The following LAMB1 variants were observed in gnomAD, a reference collection of about 807,000 sequenced individuals.
LAMB1 encodes the protein laminin subunit beta 1.
Under a neutral mutation model 222.3 loss-of-function variants are expected in LAMB1, and 121 were observed. The ratio of observed to expected loss-of-function variants is 0.54; its 90% CI spans 0.47 to 0.63. The LOEUF is 0.63. Ranked by LOEUF, LAMB1 falls within the 30% of genes least tolerant of loss-of-function variation. LAMB1 has a pLI of 0.00. For synonymous variants in LAMB1, 794 were observed against 807.2 expected (o/e 0.98, Z 0.28); for missense variants, 2,172 against 2,240.8 (o/e 0.97, Z 0.62).
intron 9 of LAMB1, among the ~76,000 whole-genome samples, chr7:107,976,645 T>C (rs559328508): frequency 2.6e-5 from 4 of 152,294 alleles, no homozygotes; most frequent in African/African-American, 7.2e-5. Flanking sequence ...CTGTGTCTTA[T>C]CTACTCACAT....
intron 15 of LAMB1, among the ~76,000 whole-genome samples, 194 bp downstream of exon 15, chr7:107,962,707 CAAAA>C (rs57580761): frequency 3.0e-5 from 3 of 98,684 alleles, no homozygotes; most frequent in Admixed American, 1.1e-4. Flanking sequence ...GAGCGAGACT[CAAAA>C]AAAAAAAAAA....
At chr7:107,971,994 A>G (rs969787767) in intron 13 of LAMB1, among the ~76,000 whole-genome samples, 7 of 152,198 alleles carry the variant, frequency 4.6e-5, no homozygotes, top group Admixed American at 2.6e-4. Context: ...ACAAAGGAAA[A>G]GTCAGAAAAG....
intron 21 of LAMB1, among the ~76,000 whole-genome samples, chr7:107,955,200 A>C (rs1005694005): frequency 9.2e-5 from 14 of 152,244 alleles, no homozygotes; most frequent in Admixed American, 5.2e-4. Context: ...TCTAATGTTT[A>C]ATAACAGAAA....
chr7:107,937,529 T>C (rs1361755872), intron 25 of LAMB1, among the ~76,000 whole-genome samples: 5 of 152,208 alleles, frequency 3.3e-5, no homozygotes, highest in Admixed American at 3.3e-4. Flanking sequence ...AGACAAGCCA[T>C]TTAAGGGATT....
At chr7:107,938,917 T>C (rs1486604206) in intron 25 of LAMB1, among the ~76,000 whole-genome samples, 1 of 152,220 alleles carries the variant, frequency 6.6e-6, no homozygotes, top group African/African-American at 2.4e-5. Context: ...TCAAGTCGCT[T>C]GAGCTAATGT....
intron 9 of LAMB1, 50 bp downstream of exon 9, chr7:107,977,997 G>C: frequency 6.2e-7 from 1 of 1,607,266 alleles, no homozygotes. Context: ...ATTAGGAAAT[G>C]GATACTAGAG....
intron 24 of LAMB1, among the ~76,000 whole-genome samples, chr7:107,945,289 A>C (rs1337924164): frequency 6.6e-6 from 1 of 152,234 alleles, no homozygotes; most frequent in East Asian, 1.9e-4. Flanking sequence ...AAACACTAGC[A>C]AGTCAATGCC....
At chr7:107,947,495 C>A (rs796912843) in intron 24 of LAMB1, among the ~76,000 whole-genome samples, 6 of 152,328 alleles carry the variant, frequency 3.9e-5, no homozygotes, top group African/African-American at 1.2e-4. Context: ...CAGAAAGCCC[C>A]TGTGCTCCTG....
chr7:108,002,491 G>C (rs2034410828), intron 2 of LAMB1: 2 of 1,174,628 alleles, frequency 1.7e-6, no homozygotes, highest in South Asian at 3.1e-5. Context: ...CTGGGCAATG[G>C]ATTTTTGGAG....
At chr7:107,929,688 C>G in intron 29 of LAMB1, 69 bp from the exon 30 acceptor site, 1 of 1,252,648 alleles carries the variant, frequency 8.0e-7, no homozygotes, top group Non-Finnish European at 1.2e-6. Flanking sequence ...CAACCACTTA[C>G]TGGTCATCTA....
intron 21 of LAMB1, among the ~76,000 whole-genome samples, chr7:107,954,501 G>A (rs1375933450): frequency 5.9e-5 from 9 of 151,996 alleles, no homozygotes; most frequent in South Asian, 2.1e-4. Context: ...TGGGCTGGGC[G>A]CAGTGGCTCA....
intron 5 of LAMB1, among the ~76,000 whole-genome samples, chr7:107,992,286 C>G (rs943747619): frequency 2.6e-5 from 4 of 152,198 alleles, no homozygotes. Flanking sequence ...TCCAGGCTAA[C>G]AAAGATTGTC....
intron 2 of LAMB1, chr7:108,002,432 G>GCCCCC: frequency 7.6e-7 from 1 of 1,307,402 alleles, no homozygotes; most frequent in Non-Finnish European, 1.0e-6. Context: ...AAGCCACATG[G>GCCCCC]CCCCCATCTG....
At chr7:107,924,138 T>A (rs772064452) in intron 33 of LAMB1, 51 bp from the exon 34 acceptor site, 13 of 1,525,254 alleles carry the variant, frequency 8.5e-6, no homozygotes, top group Non-Finnish European at 7.9e-6. Flanking sequence ...ACTATGATGA[T>A]CTCAAGACAA....
chr7:107,993,552 C>T (rs2034226234), intron 5 of LAMB1, among the ~76,000 whole-genome samples: 1 of 152,188 alleles, frequency 6.6e-6, no homozygotes. Flanking sequence ...TATTCAACTA[C>T]AAAACATGTG....
intron 7 of LAMB1, 73 bp downstream of exon 7, chr7:107,985,949 C>T (rs2034067700): frequency 1.7e-6 from 2 of 1,206,758 alleles, no homozygotes; most frequent in South Asian, 1.3e-5. Context: ...AAGAGCGGAA[C>T]TCTGTCTCAA....
intron 7 of LAMB1, among the ~76,000 whole-genome samples, chr7:107,984,765 T>C (rs1022428717): frequency 2.6e-5 from 4 of 152,230 alleles, no homozygotes; most frequent in Admixed American, 1.3e-4. Flanking sequence ...GGATAAAGTA[T>C]GTCTCAAATA....
rs1209416743 is a variant in LAMB1 at position 107,935,451 on chromosome 7, C to T, written c.4152G>A (p.Lys1384=). ...QARLLDELAG[K]LQSLDLSAAA... is the part of the protein sequence containing the mutation. Reference sequence around the variant, plus strand: ...CGGCTGAAAGGTCTAGGCTTTGTAGCTTGCCTGCCAGTTCATCAAGGAGGC... The same window carrying T: ...CGGCTGAAAGGTCTAGGCTTTGTAGTTTGCCTGCCAGTTCATCAAGGAGGC... Residue 1384 remains lysine, a synonymous_variant, in exon 27 of 34, where the codon AAG becomes AAA. Coordinates refer to ENST00000222399, the MANE Select transcript of LAMB1 (RefSeq NM_002291.3). 1.3e-6 allele frequency: 2 copies of T among 1,580,152 alleles called. No homozygotes were observed. Among genetic ancestry groups the T allele is most frequent in the Admixed American group, 3.5e-5 (2 of 57,662 alleles).
chr7:107,941,468 T>G (rs2116358552), intron 24 of LAMB1, among the ~76,000 whole-genome samples: 1 of 152,272 alleles, frequency 6.6e-6, no homozygotes, highest in East Asian at 1.9e-4. Flanking sequence ...TTAAACCATT[T>G]TTCGTTTTTC....
Sources: allele counts gnomAD v4.1 joint callset (sites outside exome capture counted in the v4.1 genomes callset), GRCh38; gene constraint gnomAD v4.1.1; transcripts MANE v1.5; gene names NCBI Gene and HGNC (gene_info 2026-07-23, HGNC 2026-07-21).